The following EIF4G3 variants were observed in gnomAD, a reference collection of about 807,000 sequenced individuals.
The protein encoded by EIF4G3 is eIF-4-gamma 3.
A neutral mutation model predicts 186.4 loss-of-function variants in EIF4G3; 34 were observed. That is an observed-to-expected ratio of 0.18 (90% CI 0.14 to 0.24). The LOEUF is 0.24. Ranked by LOEUF, EIF4G3 falls within the 10% of genes least tolerant of loss-of-function variation. The probability of loss-of-function intolerance (pLI) is 1.00; values close to 1 mark genes in which losing one functional copy is unlikely to be tolerated. For missense variants in EIF4G3, 1,536 were observed against 1,948.5 expected (o/e 0.79, Z 3.99); for synonymous variants, 673 against 679.5 (o/e 0.99, Z 0.15).
intron 14 of EIF4G3, among the ~76,000 whole-genome samples, chr1:20,924,520 CTA>C (rs2094723186): frequency 6.6e-6 from 1 of 152,304 alleles, no homozygotes; most frequent in African/African-American, 2.4e-5. Context: ...ATTTGACAAT[CTA>C]TGTTTCACAT....
chr1:20,894,439 GAAGT>G (rs1158046525), intron 17 of EIF4G3, among the ~76,000 whole-genome samples: 2 of 152,188 alleles, frequency 1.3e-5, no homozygotes, highest in East Asian at 1.9e-4. Flanking sequence ...ACCACCAATA[GAAGT>G]AAGAAGACCT....
At chr1:20,948,630 T>C (rs1372194127) in intron 13 of EIF4G3, among the ~76,000 whole-genome samples, 1 of 152,178 alleles carries the variant, frequency 6.6e-6, no homozygotes, top group African/African-American at 2.4e-5. Context: ...AGTTTATAAA[T>C]GTGATTGACT....
At chr1:20,902,722 C>T (rs907221171) in intron 15 of EIF4G3, among the ~76,000 whole-genome samples, 1 of 152,130 alleles carries the variant, frequency 6.6e-6, no homozygotes, top group Non-Finnish European at 1.5e-5. Context: ...CTCATTGCAA[C>T]CTCCGCCTTC....
chr1:21,052,311 A>G (rs1422531441), intron 3 of EIF4G3, among the ~76,000 whole-genome samples: 1 of 152,160 alleles, frequency 6.6e-6, no homozygotes. Flanking sequence ...ATGGTTTTGC[A>G]AACTTTCATG....
At chr1:20,893,350 G>A in intron 18 of EIF4G3, 167 bp downstream of exon 18, 1 of 650,058 alleles carries the variant, frequency 1.5e-6, no homozygotes, top group African/African-American at 1.9e-5. Flanking sequence ...GAACTCAAGT[G>A]TATTCTTTAT....
intron 4 of EIF4G3, among the ~76,000 whole-genome samples, chr1:21,033,986 G>T (rs1225947160): frequency 6.6e-6 from 1 of 152,182 alleles, no homozygotes; most frequent in Non-Finnish European, 1.5e-5. Flanking sequence ...CTACTTGGGA[G>T]GCTGAGGTGA....
chr1:20,982,021 C>T (rs537169838), intron 8 of EIF4G3, among the ~76,000 whole-genome samples: 44 of 152,220 alleles, frequency 2.9e-4, no homozygotes, highest in Non-Finnish European at 3.4e-4. Context: ...AAAATATTTA[C>T]CCAGTCCATC....
chr1:20,827,171 C>T (rs79135403), intron 32 of EIF4G3, among the ~76,000 whole-genome samples: 2,352 of 152,292 alleles, frequency 0.015, 20 homozygotes, highest in Non-Finnish European at 0.024. Flanking sequence ...GATGCCACAA[C>T]ACTTCCCCAA....
intron 7 of EIF4G3, among the ~76,000 whole-genome samples, chr1:20,988,133 G>A (rs1046237210): frequency 1.3e-5 from 2 of 152,224 alleles, no homozygotes; most frequent in African/African-American, 2.4e-5. Flanking sequence ...AGCTACAGAA[G>A]AAAAGTTGAA....
At chr1:21,138,937 T>C (rs2097293869) in intron 2 of EIF4G3, among the ~76,000 whole-genome samples, 1 of 152,192 alleles carries the variant, frequency 6.6e-6, no homozygotes, top group South Asian at 2.1e-4. Context: ...CAGGCTAGAA[T>C]GCAGCAGTGT....
intron 30 of EIF4G3, 77 bp downstream of exon 30, chr1:20,840,779 A>C: frequency 7.4e-7 from 1 of 1,349,850 alleles, no homozygotes; most frequent in Non-Finnish European, 1.0e-6. Flanking sequence ...TAAATACTTA[A>C]AGAGGTAAGT....
At chr1:20,999,249 AATG>A (rs1158843230) in intron 6 of EIF4G3, 1 of 279,664 alleles carries the variant, frequency 3.6e-6, no homozygotes, top group Non-Finnish European at 7.3e-6. Context: ...AGTTTTTCAG[AATG>A]ATGATAACTG....
At chr1:21,073,210 C>G (rs1452915258) in intron 3 of EIF4G3, among the ~76,000 whole-genome samples, 1 of 152,198 alleles carries the variant, frequency 6.6e-6, no homozygotes, top group African/African-American at 2.4e-5. Context: ...AACTCTTCAA[C>G]AGCTCCTTCT....
At chr1:21,176,605 G>T in intron 1 of EIF4G3, 117 bp downstream of exon 1, 1 of 192,040 alleles carries the variant, frequency 5.2e-6, no homozygotes. Flanking sequence ...CGCCGCCGCC[G>T]CCGCCGGCAG....
intron 2 of EIF4G3, among the ~76,000 whole-genome samples, chr1:21,129,544 T>C (rs1444350215): frequency 6.6e-6 from 1 of 150,962 alleles, no homozygotes; most frequent in East Asian, 1.9e-4. Context: ...TCCCATCTGA[T>C]GGAACAGGAG....
chr1:20,846,573 T>C (rs1222341401), intron 29 of EIF4G3, among the ~76,000 whole-genome samples: 1 of 152,242 alleles, frequency 6.6e-6, no homozygotes, highest in Non-Finnish European at 1.5e-5. Flanking sequence ...TGTTTATTTA[T>C]TAATTTACTA....
intron 3 of EIF4G3, among the ~76,000 whole-genome samples, chr1:21,051,247 A>C (rs1326444587): frequency 6.6e-6 from 1 of 152,250 alleles, no homozygotes; most frequent in East Asian, 1.9e-4. Flanking sequence ...ATCATAAAGG[A>C]AAACACATGC....
rs71014161 is a variant in EIF4G3 at position 21,151,236 on chromosome 1, C to CTTTTTTTTTTTTT, written c.-272+24926_-272+24938dup. On this transcript the variant is annotated intron_variant, in intron 2 of 36. Coordinates refer to ENST00000602326, the MANE Select transcript of EIF4G3 (RefSeq NM_001391906.1). ...TTTAATGGTTATATAGTATTTCTTT[C>CTTTTTTTTTTTTT]TTTTTTTTTTTTTTTTTTTTGAGAT... 1.8e-3 allele frequency among the ~76,000 whole-genome samples: 141 copies of CTTTTTTTTTTTTT among 80,434 alleles called. 15 individuals carry two copies. The highest frequency in any genetic ancestry group is 2.0e-3 in the Non-Finnish European group (93 of 46,054). 52.8% of individuals were successfully genotyped at this position (80,434 alleles called of 152,430 possible).
intron 3 of EIF4G3, among the ~76,000 whole-genome samples, chr1:21,073,090 C>T (rs2095489473): frequency 6.6e-6 from 1 of 152,196 alleles, no homozygotes; most frequent in South Asian, 2.1e-4. Flanking sequence ...TCCAGAGCCA[C>T]TTAGCTGCTC....
Sources: gnomAD v4.1 joint callset for allele counts (sites outside exome capture counted in the v4.1 genomes callset) on GRCh38, gnomAD v4.1.1 for gene constraint, MANE v1.5 for transcripts, NCBI Gene and HGNC (gene_info 2026-07-23, HGNC 2026-07-21) for gene names.